PCDH15: variants seen among roughly 807,000 people sequenced by gnomAD.
The protein encoded by PCDH15 is protocadherin related 15, also known as protocadherin-15.
Under a neutral mutation model 178.5 loss-of-function variants are expected in PCDH15, and 129 were observed. The observed-to-expected ratio is 0.72, with a 90% CI of 0.63 to 0.84. The LOEUF is 0.84. PCDH15 is among the 40% of genes least tolerant of loss of function. The pLI, the probability that PCDH15 is intolerant of heterozygous loss-of-function variation, is 0.00. For missense variants in PCDH15, 2,230 were observed against 2,099.9 expected, an observed-to-expected ratio of 1.06 and a Z score of -1.21; for synonymous variants, 800 against 732.0, an observed-to-expected ratio of 1.09 and a Z score of -1.50.
At chr10:54,740,199 T>C (rs772135222) in intron 1 of PCDH15, among the ~76,000 whole-genome samples, 17 of 151,844 alleles carry the variant, frequency 1.1e-4, no homozygotes, top group Non-Finnish European at 2.5e-4. Flanking sequence ...AAAAAACAAA[T>C]AATCAAATTT....
chr10:53,929,382 G>A (rs1025981418), intron 25 of PCDH15, among the ~76,000 whole-genome samples: 2 of 152,022 alleles, frequency 1.3e-5, no homozygotes, highest in Non-Finnish European at 2.9e-5. Flanking sequence ...AAAAAATGCT[G>A]TTAATGATAT....
intron 20 of PCDH15, among the ~76,000 whole-genome samples, chr10:53,997,262 A>T (rs1389243232): frequency 1.3e-5 from 2 of 152,288 alleles, no homozygotes; most frequent in African/African-American, 4.8e-5. Flanking sequence ...TGAACCGAGA[A>T]GTTTTAGTTC....
intron 1 of PCDH15, among the ~76,000 whole-genome samples, chr10:54,701,148 C>A (rs1460787341): frequency 6.6e-6 from 1 of 151,926 alleles, no homozygotes; most frequent in Non-Finnish European, 1.5e-5. Context: ...AATACAATAA[C>A]CTTAAAGATA....
chr10:54,701,039 A>C (rs775084825), intron 1 of PCDH15, among the ~76,000 whole-genome samples: 5 of 152,132 alleles, frequency 3.3e-5, no homozygotes, highest in African/African-American at 4.8e-5. Context: ...AAAAGCCTGA[A>C]GAGATTAGGG....
At chr10:55,488,627 T>TC (rs1260491603) in intron 2 of PCDH15, among the ~76,000 whole-genome samples, 1 of 151,584 alleles carries the variant, frequency 6.6e-6, no homozygotes, top group East Asian at 1.9e-4. Flanking sequence ...TGAATTTTTT[T>TC]CCTAGAATTA....
At chr10:55,464,548 A>G (rs1448011530) in intron 2 of PCDH15, among the ~76,000 whole-genome samples, 1 of 151,692 alleles carries the variant, frequency 6.6e-6, no homozygotes, top group Non-Finnish European at 1.5e-5. Context: ...CACCACCTCT[A>G]TTCCAGAGGC....
At chr10:53,866,434 G>A (rs1013074716) in intron 27 of PCDH15, among the ~76,000 whole-genome samples, 5 of 115,836 alleles carry the variant, frequency 4.3e-5, no homozygotes, top group African/African-American at 1.4e-4. Flanking sequence ...AACACCTTAC[G>A]GTGTTTTTGT....
Position 54,443,771 on chromosome 10 carries a change from C to CA in PCDH15, c.158-64830dup, listed in dbSNP as rs1358090436. Among the ~76,000 whole-genome samples the CA allele has an allele frequency of 3.3e-5, 5 of 151,666 alleles. No homozygotes were observed. The East Asian group carries it at 9.7e-4, about 29-fold the overall frequency. Reference sequence around the variant, plus strand: ...AGTGGATTACTGTCTTCTTTATTTTCATTCTAGTGTTTATTGAGAGTCCTA... The same window carrying CA: ...AGTGGATTACTGTCTTCTTTATTTTCAATTCTAGTGTTTATTGAGAGTCCTA... On this transcript the variant is annotated intron_variant, in intron 3 of 37. Transcript: ENST00000644397.
At chr10:54,255,428 AC>A (rs1170306758) in intron 8 of PCDH15, among the ~76,000 whole-genome samples, 1 of 152,152 alleles carries the variant, frequency 6.6e-6, no homozygotes, top group Non-Finnish European at 1.5e-5. Flanking sequence ...ACTGTTGAAA[AC>A]CAAGATTATG....
intron 2 of PCDH15, among the ~76,000 whole-genome samples, chr10:55,491,458 G>A (rs1036161952): frequency 1.3e-5 from 2 of 151,622 alleles, no homozygotes; most frequent in African/African-American, 2.4e-5. Context: ...GAGGTTTCAC[G>A]ATGGTTGGGG....
At chr10:54,677,923 T>C (rs1299187975) in intron 1 of PCDH15, among the ~76,000 whole-genome samples, 1 of 152,128 alleles carries the variant, frequency 6.6e-6, no homozygotes, top group African/African-American at 2.4e-5. Flanking sequence ...TATCATCACG[T>C]CCAAAACTTC....
chr10:53,960,229 T>C (rs1284010889), intron 22 of PCDH15, among the ~76,000 whole-genome samples: 1 of 152,198 alleles, frequency 6.6e-6, no homozygotes, highest in Admixed American at 6.5e-5. Flanking sequence ...CCAATACACT[T>C]ATTTAAGAAG....
intron 2 of PCDH15, among the ~76,000 whole-genome samples, chr10:55,582,057 T>A (rs973868353): frequency 6.6e-6 from 1 of 152,194 alleles, no homozygotes. Flanking sequence ...GCATTCTCTG[T>A]CCTGTGCCTA....
intron 5 of PCDH15, among the ~76,000 whole-genome samples, chr10:54,365,896 TAGA>T (rs142905374): frequency 0.044 from 6,665 of 152,164 alleles, 489 homozygotes; most frequent in African/African-American, 0.15. Flanking sequence ...GACAAACTAA[TAGA>T]AGAACATGTT....
chr10:54,183,131 G>A (rs952386542), intron 13 of PCDH15, among the ~76,000 whole-genome samples: 7 of 152,028 alleles, frequency 4.6e-5, no homozygotes, highest in South Asian at 2.1e-4. Context: ...ACAGGCATGC[G>A]CCACCATACC....
intron 2 of PCDH15, among the ~76,000 whole-genome samples, chr10:55,507,004 T>G (rs1437232965): frequency 6.6e-6 from 1 of 151,478 alleles, no homozygotes; most frequent in African/African-American, 2.4e-5. Flanking sequence ...ATTAAGATTA[T>G]ATATAGGTAT....
intron 2 of PCDH15, among the ~76,000 whole-genome samples, chr10:55,375,471 C>T (rs1588966739): frequency 6.6e-6 from 1 of 152,148 alleles, no homozygotes; most frequent in East Asian, 1.9e-4. Context: ...ATTAAATTAT[C>T]TCATCTGCAT....
intron 3 of PCDH15, among the ~76,000 whole-genome samples, chr10:54,421,336 T>C (rs865994349): frequency 4.9e-4 from 75 of 151,710 alleles, no homozygotes; most frequent in African/African-American, 1.7e-3. Context: ...TAGGTTTTAC[T>C]AGAACATGAA....
At chr10:54,744,309 G>A (rs1945187394) in intron 1 of PCDH15, among the ~76,000 whole-genome samples, 2 of 152,142 alleles carry the variant, frequency 1.3e-5, no homozygotes, top group Admixed American at 6.6e-5. Flanking sequence ...CAGAAACAGA[G>A]GATGCAACTA....
Sources: gnomAD v4.1 joint callset for allele counts (sites outside exome capture counted in the v4.1 genomes callset) on GRCh38, gnomAD v4.1.1 for gene constraint, MANE v1.5 for transcripts, NCBI Gene and HGNC (gene_info 2026-07-23, HGNC 2026-07-21) for gene names.